The following RBM28 variants were observed in gnomAD, a reference collection of about 807,000 sequenced individuals.
RBM28 encodes RNA binding motif protein 28.
In RBM28, 78 loss-of-function variants were observed where a neutral mutation model predicts 98.3. The ratio of observed to expected loss-of-function variants is 0.79; its 90% CI spans 0.66 to 0.96. The LOEUF is 0.96. Ranked by LOEUF, RBM28 falls within the 40% of genes least tolerant of loss-of-function variation. RBM28 has a pLI of 0.00. For synonymous variants in RBM28, 306 were observed against 330.9 expected (o/e 0.92, Z 0.82); for missense variants, 838 against 913.0 (o/e 0.92, Z 1.06).
Position 128,318,090 on chromosome 7 carries a change from T to G in RBM28, c.1580A>C (p.Asp527Ala). 1 of 1,612,888 alleles carries G rather than the reference T, an allele frequency of 6.2e-7. No individual in the cohort carries two copies. Among genetic ancestry groups the G allele is most frequent in the East Asian group, 2.2e-5 (1 of 44,882 alleles). ...VRIKECRVMRDLKGVHGNMKG... is the reference protein window; with the variant it reads ...VRIKECRVMRALKGVHGNMKG... ...CATGTTCCCATGAACTCCTTTGAGG[T>G]CTCGCATCACTCTACACTATGAGTA... Residue 527 changes from aspartate to alanine, a missense_variant, in exon 15 of 19, where the codon GAC becomes GCC. Coordinates refer to ENST00000223073, the MANE Select transcript of RBM28 (RefSeq NM_018077.3).
At chr7:128,342,478 T>G (rs1414667664) in intron 1 of RBM28, among the ~76,000 whole-genome samples, 1 of 152,088 alleles carries the variant, frequency 6.6e-6, no homozygotes, top group Non-Finnish European at 1.5e-5. Flanking sequence ...GGTCTCGAGT[T>G]CCAGACAACC....
Position 128,338,294 on chromosome 7 carries a change from T to G in RBM28, c.497A>C (p.Glu166Ala), listed in dbSNP as rs766287876. 6.2e-7 allele frequency: 1 copy of G among 1,614,174 alleles called. No individual in the cohort carries two copies. The highest frequency in any genetic ancestry group is 8.5e-7 in the Non-Finnish European group (1 of 1,180,012). Residue 166 changes from glutamate to alanine, a missense_variant, in exon 5 of 19, where the codon GAA (glutamate) becomes GCA (alanine). Coordinates refer to ENST00000223073, the MANE Select transcript of RBM28 (RefSeq NM_018077.3). ...CATGCCTTTGAGAGCTTTACCTGCTTCTAGGAGGTTTTTGAACTGAACAAA... is the reference window on the plus strand; with the variant it reads ...CATGCCTTTGAGAGCTTTACCTGCTGCTAGGAGGTTTTTGAACTGAACAAA... ...FGFVQFKNLL[E>A]AGKALKGMNM...
intron 9 of RBM28, among the ~76,000 whole-genome samples, chr7:128,331,766 G>T (rs1796486092): frequency 6.6e-6 from 1 of 151,792 alleles, no homozygotes; most frequent in Non-Finnish European, 1.5e-5. Context: ...ACAGTATAAA[G>T]ATTCCTCATT....
chr7:128,329,407 C>CA (rs1343760918), intron 10 of RBM28, among the ~76,000 whole-genome samples: 1 of 151,902 alleles, frequency 6.6e-6, no homozygotes, highest in Non-Finnish European at 1.5e-5. Context: ...CCAGGTCTTA[C>CA]TTTTTTTTAG....
Position 128,300,097 on chromosome 7 carries a change from T to A in RBM28, c.*10700A>T, listed in dbSNP as rs1370604872. ...CTCTTACAGTAGCCCTCCTGACTAA[T>A]ATAGGCCCTTTCTCAACTTTCCCTA... On this transcript the variant is annotated 3_prime_UTR_variant, in exon 19 of 19. Transcript: ENST00000223073. 1 of 152,272 alleles carries A rather than the reference T, an allele frequency of 6.6e-6. No individual in the cohort carries two copies. The highest frequency in any genetic ancestry group is 2.4e-5 in the African/African-American group (1 of 41,460). The allele number at this position is 152,272 out of a possible 1,614,324, so 9.4% of individuals were successfully genotyped here.
chr7:128,329,995 A>T (rs1263232315), intron 10 of RBM28, among the ~76,000 whole-genome samples: 2 of 152,094 alleles, frequency 1.3e-5, no homozygotes, highest in Non-Finnish European at 2.9e-5. Context: ...TTACCTAACA[A>T]CAGTATACTA....
intron 14 of RBM28, among the ~76,000 whole-genome samples, chr7:128,319,293 A>G (rs1796171688): frequency 6.6e-6 from 1 of 152,242 alleles, no homozygotes; most frequent in South Asian, 2.1e-4. Flanking sequence ...GACACTATAC[A>G]TACAAATAGG....
chr7:128,330,675 C>G, intron 10 of RBM28, 144 bp downstream of exon 10: 2 of 720,352 alleles, frequency 2.8e-6, no homozygotes, highest in Middle Eastern at 3.2e-4. Flanking sequence ...CCCGGCGTCC[C>G]TGGTACTTTT....
At chr7:128,321,152 T>G in intron 14 of RBM28, 114 bp downstream of exon 14, 1 of 1,427,678 alleles carries the variant, frequency 7.0e-7, no homozygotes, top group Non-Finnish European at 9.7e-7. Flanking sequence ...GGCAACAGAG[T>G]GAGACTTCGT....
chr7:128,334,191 T>C (rs993270951), intron 8 of RBM28, among the ~76,000 whole-genome samples: 7 of 152,226 alleles, frequency 4.6e-5, no homozygotes, highest in Non-Finnish European at 5.9e-5. Flanking sequence ...AACAGACATA[T>C]AAGCTTATAC....
At chr7:128,333,411 C>T (rs1437784503) in intron 8 of RBM28, 49 bp from the exon 9 acceptor site, 12 of 1,429,012 alleles carry the variant, frequency 8.4e-6, no homozygotes, top group Non-Finnish European at 1.2e-5. Context: ...GTGTAAGCCA[C>T]ATGACAAAGA....
chr7:128,314,300 T>C (rs1011375984), intron 17 of RBM28, among the ~76,000 whole-genome samples: 1 of 151,834 alleles, frequency 6.6e-6, no homozygotes, highest in African/African-American at 2.4e-5. Flanking sequence ...TCTCAGGTAT[T>C]TCTTTATAGC....
chr7:128,336,998 G>C (rs963925878), intron 6 of RBM28, 133 bp downstream of exon 6: 13 of 934,704 alleles, frequency 1.4e-5, no homozygotes, highest in East Asian at 1.2e-4. Flanking sequence ...TCCACCCAAA[G>C]TGCTGGAATT....
At position 128,298,143 on chromosome 7, in the gene RBM28, AG is replaced by A. The variant is rs781202248; in HGVS notation, c.*12653del. 4.6e-5 allele frequency: 7 copies of A among 151,588 alleles called. No homozygotes were observed. The highest frequency in any genetic ancestry group is 2.9e-5 in the Non-Finnish European group (2 of 67,994). The allele number at this position is 151,588 out of a possible 1,614,324, so 9.4% of individuals were successfully genotyped here. ...CTAAAACTTAAATAATAAAAAAAAA[AG>A]ACAATACGCGCACAGTTGAACATAG... On this transcript the variant is annotated 3_prime_UTR_variant, in exon 19 of 19. Transcript: ENST00000223073.
intron 18 of RBM28, 98 bp downstream of exon 18, chr7:128,313,073 GTCTT>G (rs1796020650): frequency 4.2e-6 from 5 of 1,186,418 alleles, no homozygotes; most frequent in Middle Eastern, 1.9e-4. Context: ...CTACACAGAA[GTCTT>G]TCTTTTTTTC....
intron 1 of RBM28, among the ~76,000 whole-genome samples, chr7:128,341,442 A>G (rs573239222): frequency 1.3e-5 from 2 of 152,352 alleles, no homozygotes; most frequent in East Asian, 3.8e-4. Flanking sequence ...GCATGCTCAC[A>G]TACATTTAGA....
In RBM28 at chr7:128,317,657, A is replaced by G; in HGVS notation, c.1788+2T>C. On this transcript the variant is annotated splice_donor_variant, in intron 16 of 18. Transcript: ENST00000223073. LOFTEE classifies it high-confidence loss of function. ...AAAATATGGACCATTTAATTTCTGT[A>G]CCAAGCTGCGCTGGATCCTTAATTC... The G allele has an allele frequency of 6.3e-7, 1 of 1,590,996 alleles. No homozygotes were observed. Among genetic ancestry groups the G allele is most frequent in the Non-Finnish European group, 8.6e-7 (1 of 1,159,014 alleles).
At chr7:128,341,278 C>T (rs1303399858) in intron 1 of RBM28, 1 of 897,172 alleles carries the variant, frequency 1.1e-6, no homozygotes, top group East Asian at 6.2e-5. Flanking sequence ...ATCATAAAAG[C>T]TGCCCACTCA....
In RBM28 at chr7:128,336,036, T is replaced by C; in HGVS notation, c.620A>G (p.Glu207Gly). Residue 207 changes from glutamate to glycine, a missense_variant, in exon 7 of 19, where the codon GAA (glutamate) becomes GGA (glycine). Coordinates refer to ENST00000223073, the MANE Select transcript of RBM28 (RefSeq NM_018077.3). The part of the protein sequence containing the change: ...DTQSVSAIGE[E>G]KSHESKHQES... Reference sequence around the variant, plus strand: ...CTGATGTTTAGATTCATGGCTCTTTTCCTCACCTATGGAGGGAGGTAAAGA... The same window carrying C: ...CTGATGTTTAGATTCATGGCTCTTTCCCTCACCTATGGAGGGAGGTAAAGA... 6.2e-7 allele frequency: 1 copy of C among 1,609,334 alleles called. No individual in the cohort carries two copies.
Sources: allele counts gnomAD v4.1 joint callset (sites outside exome capture counted in the v4.1 genomes callset), GRCh38; gene constraint gnomAD v4.1.1; transcripts MANE v1.5; gene names NCBI Gene and HGNC (gene_info 2026-07-23, HGNC 2026-07-21).